The following MTAP variants were observed in gnomAD, a reference collection of about 807,000 sequenced individuals.
MTAP encodes the protein methylthioadenosine phosphorylase, also known as S-methyl-5'-thioadenosine phosphorylase.
MTAP carries 33 observed loss-of-function variants against 33.6 expected under a neutral mutation model. The ratio of observed to expected loss-of-function variants is 0.98; its 90% CI spans 0.74 to 1.31. The LOEUF is 1.31. Among genes scored for constraint, MTAP ranks in the 40% most tolerant of loss-of-function variants. MTAP has a pLI of 0.00. For missense variants in MTAP, 367 were observed against 360.0 expected (o/e 1.02, Z -0.16); for synonymous variants, 148 against 125.7 (o/e 1.18, Z -1.19).
At chr9:21,895,798 A>G (rs1374908425) in intron 1 of MTAP, among the ~76,000 whole-genome samples, 2 of 152,150 alleles carry the variant, frequency 1.3e-5, no homozygotes, top group African/African-American at 2.4e-5. Context: ...GAGTAGGTAA[A>G]CAAAGCGGCC....
chr9:21,864,206 CTAAA>C lies in MTAP; in HGVS notation c.*2194_*2197del. The C allele has an allele frequency of 2.0e-6, 2 of 985,404 alleles. No homozygotes were observed. Among genetic ancestry groups the C allele is most frequent in the South Asian group, 4.7e-5 (1 of 21,284 alleles). 61.0% of individuals were successfully genotyped at this position (985,404 alleles called of 1,614,324 possible). A position where few individuals can be genotyped will look rare whatever the true frequency, so the allele number is the denominator to read the frequency against. On this transcript the variant is annotated 3_prime_UTR_variant, in exon 8 of 8. Coordinates refer to ENST00000644715, the MANE Select transcript of MTAP (RefSeq NM_002451.4). Reference sequence around the variant, plus strand: ...TCTAGCAACATCATTTTCAGACTAACTAAATGAATGCAGTATACTCTTTTCTTTG... The same window carrying C: ...TCTAGCAACATCATTTTCAGACTAACTGAATGCAGTATACTCTTTTCTTTG...
chr9:21,860,289 A>T (rs750204350), intron 7 of MTAP: 12 of 152,204 alleles, frequency 7.9e-5, no homozygotes, highest in Admixed American at 1.3e-4. Context: ...TACGTGGTAC[A>T]AGTGCTCCAG....
rs1474809165 is a variant in MTAP at position 21,865,578 on chromosome 9, G to C, written c.*3564G>C. ...AAGAACCTGTGTTCTCCTCATAATAGTATAGAATAATTCAAGATAGGCAAG... is the reference window on the plus strand; with the variant it reads ...AAGAACCTGTGTTCTCCTCATAATACTATAGAATAATTCAAGATAGGCAAG... On this transcript the variant is annotated 3_prime_UTR_variant, in exon 8 of 8. Coordinates refer to ENST00000644715, the MANE Select transcript of MTAP (RefSeq NM_002451.4). 1.0e-6 allele frequency: 1 copy of C among 985,856 alleles called. No homozygotes were observed. The highest frequency in any genetic ancestry group is 1.2e-6 in the Non-Finnish European group (1 of 829,992). 61.1% of individuals were successfully genotyped at this position (985,856 alleles called of 1,614,324 possible). A position where few individuals can be genotyped will look rare whatever the true frequency, so the allele number is the denominator to read the frequency against.
intron 4 of MTAP, among the ~76,000 whole-genome samples, chr9:21,829,947 A>G (rs368565386): frequency 6.6e-6 from 1 of 151,932 alleles, no homozygotes; most frequent in Non-Finnish European, 1.5e-5. Context: ...TCTCTCTCTC[A>G]TGCTACATTA....
intron 1 of MTAP, among the ~76,000 whole-genome samples, chr9:21,923,237 C>G (rs971368580): frequency 6.6e-6 from 1 of 152,226 alleles, no homozygotes; most frequent in Non-Finnish European, 1.5e-5. Flanking sequence ...GTTCTTCCAG[C>G]TCCTTATGAC....
chr9:21,865,680 G>C lies in MTAP; in HGVS notation c.*3666G>C. On this transcript the variant is annotated 3_prime_UTR_variant, in exon 8 of 8. Transcript: ENST00000644715. ...CGAGGAAATCTACCAAGACTAGTAGGGTAGTCCAGAAGAAGCTGTTTCAGG... is the reference window on the plus strand; with the variant it reads ...CGAGGAAATCTACCAAGACTAGTAGCGTAGTCCAGAAGAAGCTGTTTCAGG... 9.8e-7 allele frequency: 1 copy of C among 1,015,750 alleles called. No individual in the cohort carries two copies. The highest frequency in any genetic ancestry group is 1.2e-6 in the Non-Finnish European group (1 of 845,528). The allele number at this position is 1,015,750 out of a possible 1,614,324, so 62.9% of individuals were successfully genotyped here.
At chr9:21,843,754 A>T (rs927455885) in intron 5 of MTAP, among the ~76,000 whole-genome samples, 2 of 152,202 alleles carry the variant, frequency 1.3e-5, no homozygotes, top group Non-Finnish European at 2.9e-5. Flanking sequence ...AAGTGGTGCT[A>T]ATGGGAAAGT....
chr9:21,875,863 T>C (rs890820974), intron 1 of MTAP, among the ~76,000 whole-genome samples: 1 of 151,804 alleles, frequency 6.6e-6, no homozygotes, highest in African/African-American at 2.4e-5. Context: ...TTATGGTAGA[T>C]TGATGTATGT....
intron 1 of MTAP, among the ~76,000 whole-genome samples, chr9:21,917,047 A>C (rs934706810): frequency 1.3e-5 from 2 of 152,324 alleles, no homozygotes; most frequent in Middle Eastern, 6.8e-3. Context: ...GATTGAATGT[A>C]GGTTTTGAGG....
intron 1 of MTAP, among the ~76,000 whole-genome samples, chr9:21,907,173 G>C (rs1446617345): frequency 2.0e-5 from 3 of 152,214 alleles, no homozygotes; most frequent in Non-Finnish European, 4.4e-5. Context: ...CCCGGTGGTG[G>C]TCAGTAGTGT....
In MTAP at chr9:21,866,232, T is replaced by A. The variant is rs1825851167; in HGVS notation, c.*4218T>A. The A allele has an allele frequency of 6.6e-6, 1 of 152,218 alleles. No individual in the cohort carries two copies. Among genetic ancestry groups the A allele is most frequent in the Non-Finnish European group, 1.5e-5 (1 of 68,030 alleles). 9.4% of individuals were successfully genotyped at this position (152,218 alleles called of 1,614,324 possible). ...ATTTTTGTTTATTAAAAAATTAGAT[T>A]GTTTTGTTTTATTATTGAATAGTAA... On this transcript the variant is annotated 3_prime_UTR_variant, in exon 8 of 8. Coordinates refer to ENST00000644715, the MANE Select transcript of MTAP (RefSeq NM_002451.4).
intron 4 of MTAP, among the ~76,000 whole-genome samples, chr9:21,836,156 G>T (rs1193062005): frequency 6.6e-6 from 1 of 152,080 alleles, no homozygotes; most frequent in Non-Finnish European, 1.5e-5. Context: ...TAACATCCTT[G>T]TAAATAGGTG....
chr9:21,894,961 A>G (rs908814902), intron 1 of MTAP, among the ~76,000 whole-genome samples: 3 of 152,206 alleles, frequency 2.0e-5, no homozygotes, highest in Non-Finnish European at 2.9e-5. Flanking sequence ...CTAGTAATAC[A>G]GCTAACCAAG....
Position 21,911,776 on chromosome 9 carries a change from G to A in MTAP, c.148-19232G>A, listed in dbSNP as rs949067251. ...CTAGCAGAAGGCAAGAAATAACCAA[G>A]ATGGGAGCAGAACTGAAGGAGATAG... On this transcript the variant is annotated intron_variant, in intron 1 of 1. Transcript: ENST00000577563. 3.3e-5 allele frequency among the ~76,000 whole-genome samples: 5 copies of A among 152,216 alleles called. No individual in the cohort carries two copies. In the South Asian group the frequency reaches 1.0e-3, roughly 32 times the overall value.
chr9:21,840,978 C>G (rs995393852), intron 5 of MTAP, among the ~76,000 whole-genome samples: 2 of 152,140 alleles, frequency 1.3e-5, no homozygotes, highest in Admixed American at 6.5e-5. Flanking sequence ...GGCTCTCCCC[C>G]ACTACCCTGG....
At chr9:21,826,489 C>G (rs995795422) in intron 4 of MTAP, among the ~76,000 whole-genome samples, 2 of 151,876 alleles carry the variant, frequency 1.3e-5, no homozygotes, top group Non-Finnish European at 2.9e-5. Flanking sequence ...GTGGCCTGAT[C>G]AGAACCAGGT....
At chr9:21,928,524 G>T (rs1211249971) in intron 1 of MTAP, among the ~76,000 whole-genome samples, 1 of 152,096 alleles carries the variant, frequency 6.6e-6, no homozygotes, top group African/African-American at 2.4e-5. Context: ...GACTGAAAAG[G>T]CACAGGAGAT....
At chr9:21,869,948 A>G (rs933906822), downstream of MTAP, among the ~76,000 whole-genome samples, 2 of 152,150 alleles carry the variant, frequency 1.3e-5, no homozygotes, top group Non-Finnish European at 2.9e-5. Flanking sequence ...TTGCCCTCCT[A>G]TCTCTCTGAC....
intron 1 of MTAP, among the ~76,000 whole-genome samples, chr9:21,887,570 A>G (rs1025283954): frequency 6.6e-6 from 1 of 152,226 alleles, no homozygotes; most frequent in Non-Finnish European, 1.5e-5. Flanking sequence ...CGCAGTAAAC[A>G]TACATGTGCA....
Sources: allele counts gnomAD v4.1 joint callset (sites outside exome capture counted in the v4.1 genomes callset), GRCh38; gene constraint gnomAD v4.1.1; transcripts MANE v1.5; gene names NCBI Gene and HGNC (gene_info 2026-07-23, HGNC 2026-07-21).